SCAI: variants seen among roughly 807,000 people sequenced by gnomAD.
SCAI encodes suppressor of cancer cell invasion.
Under a neutral mutation model 92.2 loss-of-function variants are expected in SCAI, and 24 were observed. That is an observed-to-expected ratio of 0.26 (90% CI 0.19 to 0.37). SCAI has a LOEUF of 0.37. Ranked by LOEUF, SCAI falls within the 10% of genes least tolerant of loss-of-function variation. The pLI, the probability that SCAI is intolerant of heterozygous loss-of-function variation, is 1.00. For synonymous variants in SCAI, 261 were observed against 258.6 expected (o/e 1.01, Z -0.09); for missense variants, 450 against 736.2 (o/e 0.61, Z 4.50).
At chr9:125,141,888 C>A (rs192516004) in intron 2 of SCAI, among the ~76,000 whole-genome samples, 2 of 152,160 alleles carry the variant, frequency 1.3e-5, no homozygotes, top group African/African-American at 4.8e-5. Context: ...ATAGAGCATT[C>A]GTACACAGTA....
rs556739787 is a variant in SCAI, at chr9:124,990,230, T to G, written c.1326+4704A>C. 3.3e-5 allele frequency among the ~76,000 whole-genome samples: 5 copies of G among 152,080 alleles called. 1 individual carries two copies. Among genetic ancestry groups the G allele is most frequent in the African/African-American group, 1.2e-4 (5 of 41,488 alleles). Reference sequence around the variant, plus strand: ...TAGGCTGGGAGCGGTGGTTCACGCCTGTAATTCTAGCACTCTGGGAGGCCG... The same window carrying G: ...TAGGCTGGGAGCGGTGGTTCACGCCGGTAATTCTAGCACTCTGGGAGGCCG... On this transcript the variant is annotated intron_variant, in intron 14 of 17. Coordinates refer to ENST00000336505, the MANE Select transcript of SCAI (RefSeq NM_001144877.3).
At chr9:125,115,969 C>T (rs1480403509) in intron 2 of SCAI, among the ~76,000 whole-genome samples, 5 of 152,110 alleles carry the variant, frequency 3.3e-5, no homozygotes, top group Middle Eastern at 3.2e-3. Context: ...CCAAGGTGGG[C>T]GGATAACCTG....
rs1458462344 is a variant in SCAI, at chr9:125,016,046, G to A, written c.861+2753C>T. ...GGACTGTTGTGGGGCGGGGGGAGGG[G>A]GGAGGGATAGCTTTAGGAGATATAC... On this transcript the variant is annotated intron_variant, in intron 9 of 17. Transcript: ENST00000336505. 1.1e-4 allele frequency among the ~76,000 whole-genome samples: 11 copies of A among 100,410 alleles called. No individual in the cohort carries two copies. The Admixed American group carries it at 1.5e-3, about 14-fold the overall frequency. 65.9% of individuals were successfully genotyped at this position (100,410 alleles called of 152,430 possible).
At chr9:125,119,176 T>C (rs1385032392) in intron 2 of SCAI, among the ~76,000 whole-genome samples, 2 of 152,162 alleles carry the variant, frequency 1.3e-5, no homozygotes, top group Non-Finnish European at 2.9e-5. Flanking sequence ...GGAGCAGTAG[T>C]AATGAACAGC....
At chr9:125,060,740 A>G (rs1833754075) in intron 2 of SCAI, among the ~76,000 whole-genome samples, 1 of 152,228 alleles carries the variant, frequency 6.6e-6, no homozygotes, top group South Asian at 2.1e-4. Flanking sequence ...TTCGCCTCCT[A>G]TCATGATTCT....
At chr9:125,002,712 G>C (rs1279856841) in intron 11 of SCAI, among the ~76,000 whole-genome samples, 1 of 151,482 alleles carries the variant, frequency 6.6e-6, no homozygotes. Flanking sequence ...TTGAACTCCC[G>C]ACCTCAGGTG....
rs1588258051 is a variant in SCAI, at chr9:125,138,422, A to T, written c.98+4211T>A. Among the ~76,000 whole-genome samples, 3 of 142,812 alleles carry T rather than the reference A, an allele frequency of 2.1e-5. No individual in the cohort carries two copies. The South Asian group carries it at 6.7e-4, about 32-fold the overall frequency. 93.7% of individuals were successfully genotyped at this position (142,812 alleles called of 152,430 possible). The stretch of plus-strand genomic sequence containing the variant: ...AGACATGCGCTACCACGCCCAGCCA[A>T]TTTTTTTTTTTTGAGGCGGAGTCTC... On this transcript the variant is annotated intron_variant, in intron 2 of 17. Coordinates refer to ENST00000336505, the MANE Select transcript of SCAI (RefSeq NM_001144877.3).
chr9:124,961,543 G>T (rs145290479), intron 17 of SCAI, among the ~76,000 whole-genome samples: 1 of 151,522 alleles, frequency 6.6e-6, no homozygotes, highest in East Asian at 1.9e-4. Flanking sequence ...CCAGCTACTC[G>T]GGAGGCTGAG....
rs1278117977 is a variant in SCAI at position 124,942,681 on chromosome 9, T to C, written c.*10126A>G. On this transcript the variant is annotated 3_prime_UTR_variant, in exon 18 of 18. Coordinates refer to ENST00000336505, the MANE Select transcript of SCAI (RefSeq NM_001144877.3). ...ATGTGGATTCAAGGTACAAAATTCA[T>C]GTACAAGAGTTCACACCTGATGAAT... 1.3e-5 allele frequency: 2 copies of C among 152,258 alleles called. No homozygotes were observed. The highest frequency in any genetic ancestry group is 6.5e-5 in the Admixed American group (1 of 15,292). 9.4% of individuals were successfully genotyped at this position (152,258 alleles called of 1,614,324 possible).
At chr9:124,979,769 G>C (rs1344272658) in intron 14 of SCAI, among the ~76,000 whole-genome samples, 2 of 152,030 alleles carry the variant, frequency 1.3e-5, no homozygotes, top group African/African-American at 4.8e-5. Flanking sequence ...AAGCAAATAG[G>C]CTGGGCGCGG....
At chr9:124,993,505 G>A (rs568321312) in intron 14 of SCAI, among the ~76,000 whole-genome samples, 2 of 152,312 alleles carry the variant, frequency 1.3e-5, no homozygotes, top group East Asian at 1.9e-4. Flanking sequence ...CAGGAGAATC[G>A]CTTGAACCTG....
chr9:125,079,880 A>C (rs775825631), intron 2 of SCAI, among the ~76,000 whole-genome samples: 2 of 152,210 alleles, frequency 1.3e-5, no homozygotes, highest in African/African-American at 2.4e-5. Context: ...TAGACCCCAA[A>C]GTCTGTGAAG....
At position 124,999,952 on chromosome 9, in the gene SCAI, G is replaced by A. The variant is rs766095075; in HGVS notation, c.1183C>T (p.Arg395Trp). Residue 395 changes from arginine to tryptophan, a missense_variant, in exon 13 of 18, where the codon CGG becomes TGG. Transcript: ENST00000336505. Reference sequence around the variant, plus strand: ...ATGGCATCTCCATTAATAATATCCCGGTTACTATTAGTAAGTACACCTCCA... The same window carrying A: ...ATGGCATCTCCATTAATAATATCCCAGTTACTATTAGTAAGTACACCTCCA... ...DFGGVLTNSNRDIINGDAIHK... is the reference protein window; with the variant it reads ...DFGGVLTNSNWDIINGDAIHK... 7 of 1,593,820 alleles carry A rather than the reference G, an allele frequency of 4.4e-6. No homozygotes were observed. Among genetic ancestry groups the A allele is most frequent in the East Asian group, 2.3e-5 (1 of 44,010 alleles).
At chr9:125,058,040 A>G (rs1833706154) in intron 2 of SCAI, among the ~76,000 whole-genome samples, 1 of 151,858 alleles carries the variant, frequency 6.6e-6, no homozygotes, top group Non-Finnish European at 1.5e-5. Context: ...TCAAGGGTGC[A>G]GAGAGCTATG....
chr9:124,966,254 T>G, intron 17 of SCAI, among the ~76,000 whole-genome samples: 1 of 117,380 alleles, frequency 8.5e-6, no homozygotes, highest in Non-Finnish European at 1.7e-5. Context: ...CAGGCCCCGG[T>G]GTGTGATGTT....
chr9:125,065,881 T>A (rs923443385), intron 2 of SCAI: 5 of 619,206 alleles, frequency 8.1e-6, no homozygotes, highest in Non-Finnish European at 1.4e-5. Flanking sequence ...AAATTTAACA[T>A]TGGCTCACAA....
chr9:124,961,876 T>TAGG, intron 17 of SCAI, among the ~76,000 whole-genome samples: 1 of 128,166 alleles, frequency 7.8e-6, no homozygotes, highest in African/African-American at 2.8e-5. Context: ...TTTGTGGCAG[T>TAGG]TTTTTTTTTT....
Position 125,004,750 on chromosome 9 carries a change from TATATATATATATATA to T in SCAI, c.862-1195_862-1181del, listed in dbSNP as rs1564374467. Among the ~76,000 whole-genome samples the T allele has an allele frequency of 1.8e-3, 27 of 14,950 alleles. 3 individuals carry two copies. The highest frequency in any genetic ancestry group is 3.4e-3 in the South Asian group (1 of 292). 9.8% of individuals were successfully genotyped at this position (14,950 alleles called of 152,430 possible). A position where few individuals can be genotyped will look rare whatever the true frequency, so the allele number is the denominator to read the frequency against. ...ACTGTGATCCATATATATATATATA[TATATATATATATATA>T]TATATATATATATATTTTTTTTTTT... On this transcript the variant is annotated intron_variant, in intron 9 of 17. Transcript: ENST00000336505.
chr9:125,128,435 C>G (rs536478944), intron 2 of SCAI, among the ~76,000 whole-genome samples: 207 of 152,240 alleles, frequency 1.4e-3, no homozygotes, highest in Non-Finnish European at 2.3e-3. Flanking sequence ...GCCTGGCCAA[C>G]ATGGTGAAAC....
Sources: gnomAD v4.1 joint callset for allele counts (sites outside exome capture counted in the v4.1 genomes callset) on GRCh38, gnomAD v4.1.1 for gene constraint, MANE v1.5 for transcripts, NCBI Gene and HGNC (gene_info 2026-07-23, HGNC 2026-07-21) for gene names.